The following RSRC1 variants were observed in gnomAD, a reference collection of about 807,000 sequenced individuals.
RSRC1 encodes the protein serine/Arginine-related protein 53.
Under a neutral mutation model 49.1 loss-of-function variants are expected in RSRC1, and 39 were observed. The observed-to-expected ratio is 0.79, with a 90% CI of 0.61 to 1.04. RSRC1 has a LOEUF of 1.04. Among genes scored for constraint, RSRC1 ranks in the 50% least tolerant of loss-of-function variants. The probability of loss-of-function intolerance (pLI) is 0.00; values close to 1 mark genes in which losing one functional copy is unlikely to be tolerated. For synonymous variants in RSRC1, 143 were observed against 130.8 expected (o/e 1.09, Z -0.63); for missense variants, 388 against 402.4 (o/e 0.96, Z 0.31).
intron 6 of RSRC1, among the ~76,000 whole-genome samples, chr3:158,365,622 C>T (rs1190155697): frequency 1.3e-5 from 2 of 152,218 alleles, no homozygotes; most frequent in East Asian, 3.9e-4. Context: ...GTGCATGTGT[C>T]TTTATAGGAG....
intron 6 of RSRC1, among the ~76,000 whole-genome samples, chr3:158,459,135 A>G (rs998676041): frequency 2.0e-5 from 3 of 152,160 alleles, no homozygotes; most frequent in South Asian, 4.1e-4. Flanking sequence ...ACACAGACAT[A>G]TATTTGGAGC....
intron 7 of RSRC1, among the ~76,000 whole-genome samples, chr3:158,509,945 C>T (rs1005841310): frequency 1.3e-5 from 2 of 152,150 alleles, no homozygotes; most frequent in East Asian, 1.9e-4. Context: ...TGCATATATG[C>T]CTAGGAGTAG....
intron 4 of RSRC1, among the ~76,000 whole-genome samples, chr3:158,258,256 G>A (rs1724687244): frequency 2.2e-5 from 2 of 90,464 alleles, no homozygotes; most frequent in African/African-American, 8.3e-5. Context: ...AAGTCCCTTA[G>A]CATTTGTTTG....
intron 6 of RSRC1, among the ~76,000 whole-genome samples, chr3:158,442,106 A>T (rs1428959302): frequency 6.6e-6 from 1 of 152,164 alleles, no homozygotes; most frequent in Non-Finnish European, 1.5e-5. Flanking sequence ...CTGACAAGTC[A>T]TCTGAGCCTT....
intron 5 of RSRC1, among the ~76,000 whole-genome samples, chr3:158,330,525 C>T (rs1269274910): frequency 6.6e-6 from 1 of 152,130 alleles, no homozygotes; most frequent in Non-Finnish European, 1.5e-5. Context: ...GACACCTTTT[C>T]GTGTTAACAT....
intron 4 of RSRC1, among the ~76,000 whole-genome samples, chr3:158,217,344 T>C (rs932962771): frequency 6.6e-6 from 1 of 151,682 alleles, no homozygotes; most frequent in Non-Finnish European, 1.5e-5. Context: ...CACTTGCATG[T>C]GACTGGGCTG....
intron 4 of RSRC1, among the ~76,000 whole-genome samples, chr3:158,223,404 T>C (rs1204050708): frequency 6.6e-6 from 1 of 151,766 alleles, no homozygotes; most frequent in Non-Finnish European, 1.5e-5. Flanking sequence ...AAAGATATTA[T>C]GTAGGTACTT....
At chr3:158,239,347 A>G (rs1476091632) in intron 4 of RSRC1, among the ~76,000 whole-genome samples, 3 of 152,232 alleles carry the variant, frequency 2.0e-5, no homozygotes, top group Non-Finnish European at 1.5e-5. Context: ...TGACACCGCA[A>G]TTCCATTACT....
At chr3:158,389,779 C>G (rs1469264317) in intron 6 of RSRC1, among the ~76,000 whole-genome samples, 3 of 152,096 alleles carry the variant, frequency 2.0e-5, no homozygotes, top group African/African-American at 7.2e-5. Context: ...GTAGGGCATT[C>G]ACAAGTCATG....
At chr3:158,536,065 T>C (rs1712693603) in intron 7 of RSRC1, among the ~76,000 whole-genome samples, 1 of 151,362 alleles carries the variant, frequency 6.6e-6, no homozygotes, top group Non-Finnish European at 1.5e-5. Flanking sequence ...TGGAGAACTT[T>C]CTAAGGGGTC....
intron 5 of RSRC1, among the ~76,000 whole-genome samples, chr3:158,301,660 C>T (rs1388370191): frequency 6.6e-6 from 1 of 151,992 alleles, no homozygotes; most frequent in Non-Finnish European, 1.5e-5. Flanking sequence ...GTAAAACAAC[C>T]CTATTAAAAA....
intron 4 of RSRC1, among the ~76,000 whole-genome samples, chr3:158,210,931 T>C (rs551857497): frequency 1.4e-4 from 22 of 152,160 alleles, no homozygotes; most frequent in Non-Finnish European, 3.1e-4. Context: ...TGGCATGAAT[T>C]GTAGGTTCAT....
At chr3:158,432,737 T>C (rs1447249334) in intron 6 of RSRC1, among the ~76,000 whole-genome samples, 2 of 151,996 alleles carry the variant, frequency 1.3e-5, no homozygotes, top group African/African-American at 4.8e-5. Context: ...GCCTAAAATA[T>C]TGCATATTGC....
At chr3:158,371,014 T>C (rs887335590) in intron 6 of RSRC1, among the ~76,000 whole-genome samples, 2 of 151,942 alleles carry the variant, frequency 1.3e-5, no homozygotes, top group African/African-American at 4.8e-5. Context: ...TTTAATTTAA[T>C]GTGCCTTCCT....
At chr3:158,268,479 G>T (rs1725330709) in intron 4 of RSRC1, among the ~76,000 whole-genome samples, 1 of 152,078 alleles carries the variant, frequency 6.6e-6, no homozygotes, top group African/African-American at 2.4e-5. Context: ...CCTGAACTCT[G>T]ATTCTGGAAC....
intron 6 of RSRC1, among the ~76,000 whole-genome samples, chr3:158,431,376 T>C (rs1735764838): frequency 6.6e-6 from 1 of 151,898 alleles, no homozygotes; most frequent in Non-Finnish European, 1.5e-5. Flanking sequence ...ACAAAGCATT[T>C]GAAACAACCC....
chr3:158,160,569 A>G (rs6786170), intron 3 of RSRC1, among the ~76,000 whole-genome samples: 3,261 of 152,274 alleles, frequency 0.021, 121 homozygotes, highest in African/African-American at 0.075. Flanking sequence ...AGGAAGGAGA[A>G]AAGTGATTAG....
intron 6 of RSRC1, among the ~76,000 whole-genome samples, chr3:158,390,251 A>G (rs1733199231): frequency 6.6e-6 from 1 of 152,158 alleles, no homozygotes. Context: ...ATGAAGGAGT[A>G]GTGAATTCAC....
intron 6 of RSRC1, among the ~76,000 whole-genome samples, chr3:158,382,766 C>A (rs943169656): frequency 2.0e-5 from 3 of 152,150 alleles, no homozygotes; most frequent in Non-Finnish European, 4.4e-5. Flanking sequence ...AAAGGTCTTT[C>A]TCTTTCACCT....
Sources: allele counts gnomAD v4.1 joint callset (sites outside exome capture counted in the v4.1 genomes callset), GRCh38; gene constraint gnomAD v4.1.1; transcripts MANE v1.5; gene names NCBI Gene and HGNC (gene_info 2026-07-23, HGNC 2026-07-21).